KCNIP3: variants seen among roughly 807,000 people sequenced by gnomAD.
KCNIP3 encodes calsenilin.
In KCNIP3, 28 loss-of-function variants were observed where a neutral mutation model predicts 35.0. That is an observed-to-expected ratio of 0.80 (90% CI 0.59 to 1.10). The LOEUF is 1.10. Ranked by LOEUF, KCNIP3 falls within the 50% of genes least tolerant of loss-of-function variation. The pLI is 0.00. For missense variants in KCNIP3, 295 were observed against 338.4 expected (o/e 0.87, Z 1.01); for synonymous variants, 134 against 133.8 (o/e 1.00, Z -0.01).
At chr2:95,329,513 C>A (rs1239309041) in intron 2 of KCNIP3, among the ~76,000 whole-genome samples, 2 of 152,250 alleles carry the variant, frequency 1.3e-5, no homozygotes. Flanking sequence ...GGTTAAGCAG[C>A]CTGTCTGGTG....
intron 1 of KCNIP3, among the ~76,000 whole-genome samples, chr2:95,307,431 T>C (rs1198365788): frequency 2.6e-5 from 4 of 152,218 alleles, no homozygotes; most frequent in Non-Finnish European, 5.9e-5. Flanking sequence ...ATATGTGTAG[T>C]GTGGCCCTGG....
rs1249565023 is a variant in KCNIP3 at position 95,382,173 on chromosome 2, A to G, written c.556-204A>G. Among the ~76,000 whole-genome samples the G allele has an allele frequency of 6.6e-6, 1 of 152,164 alleles. No homozygotes were observed. The highest frequency in any genetic ancestry group is 1.5e-5 in the Non-Finnish European group (1 of 68,030). On this transcript the variant is annotated intron_variant, in intron 6 of 8. Coordinates refer to ENST00000295225, the MANE Select transcript of KCNIP3 (RefSeq NM_013434.5). This position sits in a 1 kb window ranked among gnomAD's most constrained non-coding sequence, Gnocchi z 4.5. ...ATAAGCACATAGCAATCCATCTCCC[A>G]CTTCTCTGGGAGATGAGCTTCCCCT...
chr2:95,310,207 C>T (rs1283660690), intron 1 of KCNIP3, 148 bp from the exon 2 acceptor site: 1 of 905,374 alleles, frequency 1.1e-6, no homozygotes, highest in South Asian at 1.4e-5. Flanking sequence ...ATGGCCAGGA[C>T]AAGGGGCACT....
At chr2:95,370,746 A>C (rs549206685) in intron 2 of KCNIP3, among the ~76,000 whole-genome samples, 2 of 151,880 alleles carry the variant, frequency 1.3e-5, no homozygotes, top group Non-Finnish European at 1.5e-5. Context: ...GGCTATGCTT[A>C]TATTTGTCAT....
chr2:95,330,692 T>A (rs1016612790), intron 2 of KCNIP3, among the ~76,000 whole-genome samples: 1 of 152,100 alleles, frequency 6.6e-6, no homozygotes, highest in Non-Finnish European at 1.5e-5. Context: ...TCAGCCAGGG[T>A]GCCGGGGCTG....
In KCNIP3 at chr2:95,384,288, C is replaced by G. The variant is rs1200135203; in HGVS notation, c.*239C>G. 4 of 551,260 alleles carry G rather than the reference C, an allele frequency of 7.3e-6. No homozygotes were observed. The highest frequency in any genetic ancestry group is 1.3e-5 in the Non-Finnish European group (4 of 308,254). 34.1% of individuals were successfully genotyped at this position (551,260 alleles called of 1,614,324 possible). A position where few individuals can be genotyped will look rare whatever the true frequency, so the allele number is the denominator to read the frequency against. On this transcript the variant is annotated 3_prime_UTR_variant, in exon 9 of 9. Coordinates refer to ENST00000295225, the MANE Select transcript of KCNIP3 (RefSeq NM_013434.5). ...AGGGGCCGAGTCCAGGAGCCCCAGC[C>G]AGCCCTTCCCAGGCCAGCGAGGCGA...
intron 1 of KCNIP3, among the ~76,000 whole-genome samples, chr2:95,309,856 C>CA (rs1481530568): frequency 6.6e-6 from 1 of 152,168 alleles, no homozygotes; most frequent in African/African-American, 2.4e-5. Context: ...CTGGGGTCAC[C>CA]ACCCAGCCTT....
At chr2:95,369,489 A>C (rs970237248) in intron 2 of KCNIP3, among the ~76,000 whole-genome samples, 1 of 152,072 alleles carries the variant, frequency 6.6e-6, no homozygotes, top group Non-Finnish European at 1.5e-5. Context: ...CATTTTATAG[A>C]AGTTGTTGAA....
intron 2 of KCNIP3, among the ~76,000 whole-genome samples, chr2:95,322,522 C>A: frequency 6.6e-6 from 1 of 152,244 alleles, no homozygotes; most frequent in East Asian, 1.9e-4. Flanking sequence ...CCATCAAATG[C>A]GCACAGTGGA....
chr2:95,309,184 C>T (rs1322684526), intron 1 of KCNIP3, among the ~76,000 whole-genome samples: 1 of 152,194 alleles, frequency 6.6e-6, no homozygotes, highest in African/African-American at 2.4e-5. Flanking sequence ...AGCACAAAGG[C>T]AGCAAACTAG....
chr2:95,349,121 G>A (rs1346525664), intron 2 of KCNIP3, among the ~76,000 whole-genome samples: 8 of 152,058 alleles, frequency 5.3e-5, no homozygotes, highest in African/African-American at 9.7e-5. Context: ...GGAGGGCGTC[G>A]TGAGTTCCAG....
At chr2:95,309,569 AC>A (rs1260358529) in intron 1 of KCNIP3, among the ~76,000 whole-genome samples, 1 of 152,064 alleles carries the variant, frequency 6.6e-6, no homozygotes, top group Non-Finnish European at 1.5e-5. Flanking sequence ...GATTACAGGC[AC>A]ATGCCACCAC....
intron 2 of KCNIP3, chr2:95,368,539 T>C: frequency 2.8e-6 from 1 of 352,306 alleles, no homozygotes; most frequent in East Asian, 5.5e-5. Context: ...TAAAAAAAAA[T>C]TAAGTGGGAG....
chr2:95,331,269 G>A (rs1270804908), intron 2 of KCNIP3, among the ~76,000 whole-genome samples: 3 of 152,168 alleles, frequency 2.0e-5, no homozygotes, highest in Non-Finnish European at 2.9e-5. Flanking sequence ...TGTCTGTTGC[G>A]TGAGAACGAG....
chr2:95,363,990 T>G (rs1484165671), intron 2 of KCNIP3, among the ~76,000 whole-genome samples: 1 of 152,226 alleles, frequency 6.6e-6, no homozygotes. Context: ...CCTTTACTTC[T>G]CAATTCGTAC....
rs771206971 is a variant in KCNIP3 at position 95,297,410 on chromosome 2, G to A, written c.-29G>A. ...TCTGCCTCGGCTGTGAAGTGGGGAG[G>A]CTGGCAACAGTTTTCTTCAGCGCCC... On this transcript the variant is annotated 5_prime_UTR_variant, in exon 1 of 9. Coordinates refer to ENST00000295225, the MANE Select transcript of KCNIP3 (RefSeq NM_013434.5). 1.3e-6 allele frequency: 2 copies of A among 1,568,592 alleles called. No individual in the cohort carries two copies. The highest frequency in any genetic ancestry group is 1.7e-6 in the Non-Finnish European group (2 of 1,157,512).
At chr2:95,327,340 CTTT>C (rs780142695) in intron 2 of KCNIP3, among the ~76,000 whole-genome samples, 5 of 152,306 alleles carry the variant, frequency 3.3e-5, no homozygotes, top group Non-Finnish European at 5.9e-5. Context: ...ACCCTACCTG[CTTT>C]TTAAGAACCC....
chr2:95,327,878 C>T (rs925990483), intron 2 of KCNIP3, among the ~76,000 whole-genome samples: 2 of 152,248 alleles, frequency 1.3e-5, no homozygotes, highest in African/African-American at 4.8e-5. Context: ...CTGCCTCCCA[C>T]CTTGCAGGTC....
Position 95,384,871 on chromosome 2 carries a change from G to A in KCNIP3, c.*822G>A, listed in dbSNP as rs1195310654. ...CCTTGCCCCAGTCCTGGTTCAGTGG[G>A]AATGCAGTGGGTGGGGCTGTACACA... On this transcript the variant is annotated 3_prime_UTR_variant, in exon 9 of 9. Transcript: ENST00000295225. 3 of 152,532 alleles carry A rather than the reference G, an allele frequency of 2.0e-5. No homozygotes were observed. The highest frequency in any genetic ancestry group is 4.4e-5 in the Non-Finnish European group (3 of 68,284). The allele number at this position is 152,532 out of a possible 1,614,324, so 9.4% of individuals were successfully genotyped here.
Sources: allele counts gnomAD v4.1 joint callset (sites outside exome capture counted in the v4.1 genomes callset), GRCh38; gene constraint gnomAD v4.1.1; non-coding constraint Gnocchi (gnomAD v3.1); transcripts MANE v1.5; gene names NCBI Gene and HGNC (gene_info 2026-07-23, HGNC 2026-07-21).